PLPPR5: variants seen among roughly 807,000 people sequenced by gnomAD.
The protein encoded by PLPPR5 is phospholipid phosphatase related 5.
In PLPPR5, 16 loss-of-function variants were observed where a neutral mutation model predicts 33.9. That is an observed-to-expected ratio of 0.47 (90% CI 0.32 to 0.72). PLPPR5 has a LOEUF of 0.72. PLPPR5 is among the 30% of genes least tolerant of loss of function. The pLI is 0.03. For synonymous variants in PLPPR5, 163 were observed against 150.3 expected, an observed-to-expected ratio of 1.08 and a Z score of -0.62; for missense variants, 301 against 406.7, an observed-to-expected ratio of 0.74 and a Z score of 2.23.
chr1:98,977,035 C>A (rs985790482), intron 1 of PLPPR5, among the ~76,000 whole-genome samples: 1 of 151,932 alleles, frequency 6.6e-6, no homozygotes, highest in African/African-American at 2.4e-5. Context: ...TTTGAGGCCT[C>A]TTTTGGCAGG....
intron 1 of PLPPR5, among the ~76,000 whole-genome samples, chr1:98,971,599 C>T (rs1450734925): frequency 6.6e-6 from 1 of 151,900 alleles, no homozygotes; most frequent in East Asian, 1.9e-4. Flanking sequence ...TCCAAATGTC[C>T]AAATCATGCA....
intron 5 of PLPPR5, among the ~76,000 whole-genome samples, chr1:98,897,119 C>A (rs932538040): frequency 1.1e-4 from 17 of 152,138 alleles, no homozygotes; most frequent in African/African-American, 4.1e-4. Flanking sequence ...ATAACAACAA[C>A]AACAGCAACC....
At chr1:98,923,903 G>A (rs561248261) in intron 3 of PLPPR5, among the ~76,000 whole-genome samples, 5 of 152,240 alleles carry the variant, frequency 3.3e-5, no homozygotes, top group Non-Finnish European at 7.3e-5. Flanking sequence ...TCAGGTTTCA[G>A]TGATGCAGCT....
chr1:98,914,535 C>A (rs1649267273), intron 5 of PLPPR5, among the ~76,000 whole-genome samples: 1 of 152,082 alleles, frequency 6.6e-6, no homozygotes, highest in African/African-American at 2.4e-5. Context: ...GATCTGCCTG[C>A]CTTGGCCTCC....
At chr1:98,973,760 A>T (rs990266222) in intron 1 of PLPPR5, among the ~76,000 whole-genome samples, 1 of 151,872 alleles carries the variant, frequency 6.6e-6, no homozygotes, top group Non-Finnish European at 1.5e-5. Context: ...AAGTGGGCCC[A>T]CTTGGCTGGC....
chr1:98,967,162 G>A (rs1651480233), intron 1 of PLPPR5, among the ~76,000 whole-genome samples: 1 of 152,074 alleles, frequency 6.6e-6, no homozygotes, highest in Admixed American at 6.6e-5. Flanking sequence ...TGCAATAAAA[G>A]GATGGGACTA....
chr1:98,992,384 A>C (rs2100761681), intron 1 of PLPPR5, among the ~76,000 whole-genome samples: 1 of 152,274 alleles, frequency 6.6e-6, no homozygotes, highest in Admixed American at 6.5e-5. Context: ...TTTTCTCTTA[A>C]ATTTATACCA....
chr1:98,999,458 C>T (rs951561339), intron 1 of PLPPR5, among the ~76,000 whole-genome samples: 10 of 152,210 alleles, frequency 6.6e-5, no homozygotes, highest in African/African-American at 2.4e-4. Context: ...TTAACCTGTG[C>T]ATGTACTGAG....
chr1:98,938,709 A>C (rs1650267683), intron 3 of PLPPR5, among the ~76,000 whole-genome samples: 1 of 152,118 alleles, frequency 6.6e-6, no homozygotes, highest in Non-Finnish European at 1.5e-5. Flanking sequence ...TCACTGGAAC[A>C]CTGGTGCTTG....
At chr1:98,979,780 C>G (rs964093246) in intron 1 of PLPPR5, among the ~76,000 whole-genome samples, 12 of 152,042 alleles carry the variant, frequency 7.9e-5, no homozygotes, top group Admixed American at 6.6e-4. Flanking sequence ...TTTTCCCTCT[C>G]TTGACTTTGA....
chr1:98,986,179 T>G (rs1402774417), intron 1 of PLPPR5, among the ~76,000 whole-genome samples: 2 of 151,992 alleles, frequency 1.3e-5, no homozygotes, highest in Non-Finnish European at 2.9e-5. Flanking sequence ...TTAGCTATAA[T>G]ACTAAAACAT....
intron 5 of PLPPR5, 91 bp from the exon 6 acceptor site, chr1:98,893,195 A>C (rs1648347008): frequency 1.6e-6 from 2 of 1,220,826 alleles, no homozygotes; most frequent in Non-Finnish European, 1.1e-6. Context: ...TCATTAGCTT[A>C]TATGCTGAAT....
At chr1:98,942,353 T>C (rs1650405932) in intron 3 of PLPPR5, among the ~76,000 whole-genome samples, 1 of 152,232 alleles carries the variant, frequency 6.6e-6, no homozygotes, top group Non-Finnish European at 1.5e-5. Context: ...TACAGTGCTA[T>C]ATATTTTTTC....
chr1:98,962,018 C>T (rs866316160), intron 1 of PLPPR5, among the ~76,000 whole-genome samples: 17 of 152,256 alleles, frequency 1.1e-4, no homozygotes, highest in Middle Eastern at 3.4e-3. Flanking sequence ...GCCACACAGC[C>T]TTTACATCCA....
intron 1 of PLPPR5, among the ~76,000 whole-genome samples, chr1:99,000,174 C>G (rs1652775827): frequency 6.6e-6 from 1 of 152,160 alleles, no homozygotes; most frequent in African/African-American, 2.4e-5. Context: ...ACAAACTGAA[C>G]AGTACCTATT....
chr1:98,964,053 C>T (rs192419360), intron 1 of PLPPR5, among the ~76,000 whole-genome samples: 11 of 152,240 alleles, frequency 7.2e-5, no homozygotes, highest in Admixed American at 4.6e-4. Context: ...TCTGGAATCA[C>T]GCGCTACCAT....
chr1:98,963,324 C>A (rs999645312), intron 1 of PLPPR5, among the ~76,000 whole-genome samples: 10 of 152,228 alleles, frequency 6.6e-5, no homozygotes, highest in Admixed American at 5.9e-4. Context: ...TGATAATTTG[C>A]ATATGCGTTT....
chr1:98,893,480 G>A (rs997186573), intron 5 of PLPPR5, among the ~76,000 whole-genome samples: 1 of 151,932 alleles, frequency 6.6e-6, no homozygotes, highest in Non-Finnish European at 1.5e-5. Flanking sequence ...TGTAGAATGA[G>A]ATAGTGAAAT....
At chr1:98,998,314 A>G (rs1434328895) in intron 1 of PLPPR5, among the ~76,000 whole-genome samples, 1 of 152,186 alleles carries the variant, frequency 6.6e-6, no homozygotes, top group East Asian at 1.9e-4. Context: ...TTGCAGATCT[A>G]GAACCAGAGG....
Sources: gnomAD v4.1 joint callset for allele counts (sites outside exome capture counted in the v4.1 genomes callset) on GRCh38, gnomAD v4.1.1 for gene constraint, MANE v1.5 for transcripts, NCBI Gene and HGNC (gene_info 2026-07-23, HGNC 2026-07-21) for gene names.